Variants in RYR3 observed in about 807,000 individuals in gnomAD.
The protein encoded by RYR3 is brain ryanodine receptor-calcium release channel.
A neutral mutation model predicts 584.3 loss-of-function variants in RYR3; 207 were observed. The ratio of observed to expected loss-of-function variants is 0.35; its 90% CI spans 0.32 to 0.40. The LOEUF (loss-of-function observed/expected upper bound fraction) is 0.40. RYR3 is among the 10% of genes least tolerant of loss of function. The probability of loss-of-function intolerance (pLI) is 1.00; values close to 1 mark genes in which losing one functional copy is unlikely to be tolerated. For synonymous variants in RYR3, 2,416 were observed against 2,248.5 expected (o/e 1.07, Z -2.11); for missense variants, 5,616 against 6,089.2 (o/e 0.92, Z 2.59).
intron 1 of RYR3, among the ~76,000 whole-genome samples, chr15:33,459,469 C>T (rs985651392): frequency 6.6e-6 from 1 of 152,064 alleles, no homozygotes; most frequent in Non-Finnish European, 1.5e-5. Context: ...ACCAAATAGT[C>T]AAACCCGGGA....
At chr15:33,633,674 A>G (rs1483487822) in intron 24 of RYR3, among the ~76,000 whole-genome samples, 3 of 152,202 alleles carry the variant, frequency 2.0e-5, no homozygotes, top group Admixed American at 6.5e-5. Context: ...TGTGCAAACT[A>G]TGGGGGGAGG....
intron 1 of RYR3, among the ~76,000 whole-genome samples, chr15:33,421,997 C>G (rs1001385355): frequency 6.6e-6 from 1 of 152,168 alleles, no homozygotes; most frequent in Admixed American, 6.5e-5. Flanking sequence ...AACATTTTTA[C>G]TCTTCACCTT....
chr15:33,725,178 C>CACACACACACACACATAT (rs1362666393), intron 45 of RYR3, among the ~76,000 whole-genome samples: 21 of 120,840 alleles, frequency 1.7e-4, no homozygotes, highest in Admixed American at 3.1e-4. Context: ...CACACACACA[C>CACACACACACACACATAT]ACACACACAC....
At chr15:33,499,235 C>T (rs1395817343) in intron 2 of RYR3, among the ~76,000 whole-genome samples, 1 of 150,954 alleles carries the variant, frequency 6.6e-6, no homozygotes, top group East Asian at 2.0e-4. Context: ...ATTTTCTACC[C>T]CTCTTTACCT....
At chr15:33,522,107 A>AAAC (rs1010604986) in intron 3 of RYR3, among the ~76,000 whole-genome samples, 1 of 150,644 alleles carries the variant, frequency 6.6e-6, no homozygotes, top group East Asian at 1.9e-4. Flanking sequence ...AAAAAAAAAA[A>AAAC]AAAAAACTAG....
At chr15:33,379,421 C>G (rs988858276) in intron 1 of RYR3, among the ~76,000 whole-genome samples, 4 of 151,976 alleles carry the variant, frequency 2.6e-5, no homozygotes, top group African/African-American at 9.7e-5. Context: ...CAGTTTAGTG[C>G]CTGTGAAAAA....
At chr15:33,864,884 T>A in intron 103 of RYR3, 1 of 460,434 alleles carries the variant, frequency 2.2e-6, no homozygotes, top group South Asian at 4.1e-5. Context: ...CATTGATTGG[T>A]TTCAGTTTTG....
At chr15:33,789,968 G>C (rs796454800) in intron 67 of RYR3, among the ~76,000 whole-genome samples, 24 of 135,396 alleles carry the variant, frequency 1.8e-4, no homozygotes, top group African/African-American at 6.8e-4. Flanking sequence ...ACAGGCGTGA[G>C]CCACCACGCC....
At chr15:33,707,127 A>G in intron 43 of RYR3, 73 bp downstream of exon 43, 1 of 1,529,892 alleles carries the variant, frequency 6.5e-7, no homozygotes, top group Non-Finnish European at 9.0e-7. Flanking sequence ...GGAAAAGGAT[A>G]TCCTTTCCAT....
chr15:33,476,882 A>G (rs2049433068), intron 2 of RYR3, among the ~76,000 whole-genome samples: 1 of 152,200 alleles, frequency 6.6e-6, no homozygotes, highest in Non-Finnish European at 1.5e-5. Context: ...TCTTGTCACC[A>G]TTCCTGGGAG....
intron 38 of RYR3, among the ~76,000 whole-genome samples, chr15:33,678,373 G>C (rs575768599): frequency 1.3e-5 from 2 of 152,172 alleles, no homozygotes; most frequent in East Asian, 3.9e-4. Flanking sequence ...CCCTTCATAC[G>C]CACTCTCTCT....
At chr15:33,562,148 G>C (rs1013628512) in intron 10 of RYR3, among the ~76,000 whole-genome samples, 1 of 152,186 alleles carries the variant, frequency 6.6e-6, no homozygotes, top group African/African-American at 2.4e-5. Context: ...ATTGTGACAG[G>C]TACTTCAGAT....
At chr15:33,380,574 C>T (rs1012400757) in intron 1 of RYR3, among the ~76,000 whole-genome samples, 1 of 152,230 alleles carries the variant, frequency 6.6e-6, no homozygotes, top group Non-Finnish European at 1.5e-5. Context: ...GCAAATTCCA[C>T]AGGCTGCACT....
chr15:33,722,692 G>A, intron 43 of RYR3, 23 bp from the exon 44 acceptor site: 2 of 1,606,864 alleles, frequency 1.2e-6, no homozygotes, highest in Middle Eastern at 1.7e-4. Context: ...CATTGAGAAG[G>A]AAACAGTGCC....
At chr15:33,455,608 T>C (rs1248878135) in intron 1 of RYR3, among the ~76,000 whole-genome samples, 4 of 152,208 alleles carry the variant, frequency 2.6e-5, no homozygotes, top group Non-Finnish European at 4.4e-5. Flanking sequence ...GTCCCTCATA[T>C]AGGACAAATT....
At chr15:33,425,114 G>A (rs947008003) in intron 1 of RYR3, among the ~76,000 whole-genome samples, 1 of 152,164 alleles carries the variant, frequency 6.6e-6, no homozygotes, top group Non-Finnish European at 1.5e-5. Flanking sequence ...CACCATGGAT[G>A]AATCCTGTGT....
At chr15:33,313,675 A>G (rs992288927) in intron 1 of RYR3, among the ~76,000 whole-genome samples, 1 of 152,180 alleles carries the variant, frequency 6.6e-6, no homozygotes, top group Non-Finnish European at 1.5e-5. Context: ...TTGGCAGTGT[A>G]TTAGTCATAT....
At chr15:33,483,656 G>T (rs2050167567) in intron 2 of RYR3, among the ~76,000 whole-genome samples, 1 of 152,186 alleles carries the variant, frequency 6.6e-6, no homozygotes. Context: ...CCAGAAATAA[G>T]TAGCTGTTGA....
intron 14 of RYR3, 115 bp downstream of exon 14, chr15:33,581,758 C>A: frequency 1.1e-6 from 1 of 884,142 alleles, no homozygotes; most frequent in Non-Finnish European, 1.8e-6. Flanking sequence ...CTGCCTCATT[C>A]CTTAGAAGTC....
Sources: gnomAD v4.1 joint callset for allele counts (sites outside exome capture counted in the v4.1 genomes callset) on GRCh38, gnomAD v4.1.1 for gene constraint, MANE v1.5 for transcripts, NCBI Gene and HGNC (gene_info 2026-07-23, HGNC 2026-07-21) for gene names.